Variants in DNAJC15 observed in about 807,000 individuals in gnomAD.
DNAJC15 encodes dnaJ homolog subfamily C member 15.
A neutral mutation model predicts 22.4 loss-of-function variants in DNAJC15; 27 were observed. The ratio of observed to expected loss-of-function variants is 1.20; its 90% CI spans 0.89 to 1.66. The LOEUF (loss-of-function observed/expected upper bound fraction) is 1.66. DNAJC15 is among the 40% of genes most tolerant of loss of function. The pLI, the probability that DNAJC15 is intolerant of heterozygous loss-of-function variation, is 0.00. For missense variants in DNAJC15, 208 were observed against 187.1 expected (o/e 1.11, Z -0.65); for synonymous variants, 79 against 63.2 (o/e 1.25, Z -1.19).
intron 4 of DNAJC15, among the ~76,000 whole-genome samples, chr13:43,082,900 A>G (rs897104025): frequency 9.3e-5 from 14 of 151,164 alleles, no homozygotes; most frequent in East Asian, 3.9e-4. Flanking sequence ...GTGTATATAT[A>G]TGTGTGTGTG....
At chr13:43,053,015 GTTATC>G (rs1340104590) in intron 1 of DNAJC15, among the ~76,000 whole-genome samples, 1 of 152,098 alleles carries the variant, frequency 6.6e-6, no homozygotes, top group Admixed American at 6.5e-5. Flanking sequence ...TTTTTCTGAT[GTTATC>G]TTCTATAATT....
chr13:43,078,462 G>C, intron 3 of DNAJC15, 150 bp from the exon 4 acceptor site: 1 of 506,200 alleles, frequency 2.0e-6, no homozygotes, highest in East Asian at 3.1e-5. Flanking sequence ...TTCTTGAAAA[G>C]TTTCATTGTT....
chr13:43,097,181 T>G (rs900961865), intron 5 of DNAJC15, among the ~76,000 whole-genome samples: 6 of 152,220 alleles, frequency 3.9e-5, no homozygotes, highest in African/African-American at 1.4e-4. Flanking sequence ...GATGCTGATT[T>G]ACTTATAGCC....
intron 3 of DNAJC15, among the ~76,000 whole-genome samples, chr13:43,070,788 C>T (rs1343737643): frequency 6.6e-6 from 1 of 152,132 alleles, no homozygotes; most frequent in Non-Finnish European, 1.5e-5. Flanking sequence ...TCAAATTTTA[C>T]CTTAAGCGTG....
intron 1 of DNAJC15, among the ~76,000 whole-genome samples, chr13:43,064,806 TGGA>T (rs1228538806): frequency 1.1e-4 from 17 of 152,132 alleles, no homozygotes; most frequent in African/African-American, 4.1e-4. Flanking sequence ...GAAGGAGAAA[TGGA>T]GAAGGACATC....
At chr13:43,102,536 G>T (rs1024919831) in intron 5 of DNAJC15, among the ~76,000 whole-genome samples, 1 of 152,170 alleles carries the variant, frequency 6.6e-6, no homozygotes. Context: ...AGCACTTTGG[G>T]GGGAGGAGGC....
chr13:43,086,127 G>A (rs959583700), intron 5 of DNAJC15, among the ~76,000 whole-genome samples: 2 of 152,264 alleles, frequency 1.3e-5, no homozygotes, highest in South Asian at 2.1e-4. Flanking sequence ...ACGAGTTATG[G>A]ACTCTTTGGT....
At chr13:43,041,824 GCCTATGCTATATACCGGGAATA>G (rs1366266111) in intron 1 of DNAJC15, among the ~76,000 whole-genome samples, 1 of 152,084 alleles carries the variant, frequency 6.6e-6, no homozygotes, top group Non-Finnish European at 1.5e-5. Context: ...CTTTTATTTA[GCCTATGCTATATACCGGGAATA>G]CAAAGGTGAA....
intron 1 of DNAJC15, among the ~76,000 whole-genome samples, chr13:43,028,874 A>G (rs1399262638): frequency 6.6e-6 from 1 of 152,154 alleles, no homozygotes; most frequent in Non-Finnish European, 1.5e-5. Flanking sequence ...AGGAAGTTGC[A>G]CAAGTTTTTA....
chr13:43,034,940 T>A (rs1476348672), intron 1 of DNAJC15, among the ~76,000 whole-genome samples: 1 of 152,164 alleles, frequency 6.6e-6, no homozygotes, highest in Non-Finnish European at 1.5e-5. Context: ...ATGGGGAGCT[T>A]CATTCTGGGT....
At chr13:43,096,224 G>A (rs1215413889) in intron 5 of DNAJC15, among the ~76,000 whole-genome samples, 2 of 152,158 alleles carry the variant, frequency 1.3e-5, no homozygotes, top group Non-Finnish European at 1.5e-5. Context: ...CATGGGACAT[G>A]TATTTGATCT....
At chr13:43,025,016 C>T (rs1427590209) in intron 1 of DNAJC15, among the ~76,000 whole-genome samples, 3 of 151,422 alleles carry the variant, frequency 2.0e-5, no homozygotes, top group South Asian at 2.1e-4. Context: ...GCTATGATTT[C>T]GCCACTGCAC....
intron 5 of DNAJC15, among the ~76,000 whole-genome samples, chr13:43,097,437 CA>C (rs1024179625): frequency 6.6e-6 from 1 of 152,106 alleles, no homozygotes; most frequent in African/African-American, 2.4e-5. Context: ...GCTTGCAAGC[CA>C]TACTACAAAC....
At chr13:43,080,980 A>G (rs1338404351) in intron 4 of DNAJC15, among the ~76,000 whole-genome samples, 3 of 152,206 alleles carry the variant, frequency 2.0e-5, no homozygotes, top group Non-Finnish European at 2.9e-5. Flanking sequence ...TAGACTATAT[A>G]ACAGGTAGGT....
intron 1 of DNAJC15, among the ~76,000 whole-genome samples, chr13:43,059,327 G>A (rs986212169): frequency 6.6e-6 from 1 of 152,186 alleles, no homozygotes; most frequent in Admixed American, 6.5e-5. Flanking sequence ...AGGAGTTGAA[G>A]ATTGAATGAG....
At chr13:43,057,485 A>T (rs1379724909) in intron 1 of DNAJC15, among the ~76,000 whole-genome samples, 1 of 151,962 alleles carries the variant, frequency 6.6e-6, no homozygotes, top group Non-Finnish European at 1.5e-5. Context: ...ATTTCTCTGG[A>T]TATTTTTATC....
rs2040830100 is a variant in DNAJC15, at chr13:43,112,586, CATT to C, written c.*5340_*5342del. 6.6e-6 allele frequency: 1 copy of C among 152,194 alleles called. No homozygotes were observed. Among genetic ancestry groups the C allele is most frequent in the Admixed American group, 6.5e-5 (1 of 15,290 alleles). The allele number at this position is 152,194 out of a possible 1,614,324, so 9.4% of individuals were successfully genotyped here. ...TAGAATAAGTTCATTTTAAGAAAAG[CATT>C]AATAATATTAGCTAACGTTTAGTAC... On this transcript the variant is annotated 3_prime_UTR_variant, in exon 6 of 6. Coordinates refer to ENST00000379221, the MANE Select transcript of DNAJC15 (RefSeq NM_013238.3).
At chr13:43,046,952 C>G (rs2040480239) in intron 1 of DNAJC15, among the ~76,000 whole-genome samples, 2 of 152,218 alleles carry the variant, frequency 1.3e-5, no homozygotes, top group African/African-American at 4.8e-5. Context: ...GAGCTGAACA[C>G]TGGTTGCTGG....
intron 1 of DNAJC15, among the ~76,000 whole-genome samples, chr13:43,027,892 AG>A (rs1364696621): frequency 2.6e-5 from 4 of 152,116 alleles, no homozygotes; most frequent in African/African-American, 7.2e-5. Flanking sequence ...CCTGACCTCA[AG>A]CGATCCACCC....
Sources: gnomAD v4.1 joint callset for allele counts (sites outside exome capture counted in the v4.1 genomes callset) on GRCh38, gnomAD v4.1.1 for gene constraint, MANE v1.5 for transcripts, NCBI Gene and HGNC (gene_info 2026-07-23, HGNC 2026-07-21) for gene names.